SGIP1: variants seen among roughly 807,000 people sequenced by gnomAD.
SGIP1 encodes SH3GL interacting endocytic adaptor 1, also known as SH3-containing GRB2-like protein 3-interacting protein 1.
SGIP1 carries 38 observed loss-of-function variants against 107.5 expected under a neutral mutation model. That is an observed-to-expected ratio of 0.35 (90% CI 0.27 to 0.46). SGIP1 has a LOEUF of 0.46. SGIP1 is among the 20% of genes least tolerant of loss of function. The pLI, the probability that SGIP1 is intolerant of heterozygous loss-of-function variation, is 1.00. For missense variants in SGIP1, 929 were observed against 1,019.5 expected (o/e 0.91, Z 1.21); for synonymous variants, 365 against 366.1 (o/e 1.00, Z 0.03).
intron 8 of SGIP1, among the ~76,000 whole-genome samples, chr1:66,663,136 G>A (rs114582477): frequency 5.1e-4 from 77 of 151,990 alleles, no homozygotes; most frequent in Middle Eastern, 3.4e-3. Flanking sequence ...ACATTCTCAC[G>A]TGGCGCACAT....
intron 1 of SGIP1, among the ~76,000 whole-genome samples, chr1:66,548,959 C>A (rs1251820645): frequency 6.6e-6 from 1 of 152,188 alleles, no homozygotes; most frequent in Non-Finnish European, 1.5e-5. Context: ...TGTTCCTGGT[C>A]TAGTTTCCTT....
intron 15 of SGIP1, among the ~76,000 whole-genome samples, chr1:66,686,482 G>A (rs10889646): frequency 0.14 from 21,349 of 151,984 alleles, 1,594 homozygotes; most frequent in Admixed American, 0.19. Context: ...TTTCTAAGGG[G>A]GAAATGAAAA....
intron 1 of SGIP1, among the ~76,000 whole-genome samples, chr1:66,538,567 A>G (rs928628530): frequency 6.6e-6 from 1 of 152,210 alleles, no homozygotes; most frequent in South Asian, 2.1e-4. Context: ...TGTAGCACAT[A>G]CACTATCCAT....
intron 1 of SGIP1, among the ~76,000 whole-genome samples, chr1:66,591,020 T>C (rs910456450): frequency 6.6e-6 from 1 of 152,246 alleles, no homozygotes; most frequent in Non-Finnish European, 1.5e-5. Context: ...GTGATCAATG[T>C]AAATTTTTTA....
At chr1:66,715,983 C>T (rs142365751) in intron 18 of SGIP1, among the ~76,000 whole-genome samples, 251 of 152,196 alleles carry the variant, frequency 1.6e-3, no homozygotes, top group African/African-American at 5.3e-3. Context: ...GGTTCAAGCG[C>T]GGTGCTAAAT....
intron 4 of SGIP1, among the ~76,000 whole-genome samples, chr1:66,636,674 A>G (rs1482170405): frequency 6.6e-6 from 1 of 152,214 alleles, no homozygotes; most frequent in Non-Finnish European, 1.5e-5. Flanking sequence ...GTGCTGTTCT[A>G]TAGAATTATT....
chr1:66,705,988 G>GTA (rs1397358510), intron 18 of SGIP1, among the ~76,000 whole-genome samples: 1 of 151,950 alleles, frequency 6.6e-6, no homozygotes, highest in Non-Finnish European at 1.5e-5. Context: ...GTTTACCTAT[G>GTA]TAACAAACCT....
intron 7 of SGIP1, among the ~76,000 whole-genome samples, chr1:66,644,475 A>G (rs2077313371): frequency 1.3e-5 from 2 of 152,100 alleles, no homozygotes; most frequent in Admixed American, 1.3e-4. Context: ...GATAAATGCC[A>G]CCATTGTTTT....
chr1:66,742,562 T>C (rs2094489760), intron 24 of SGIP1, among the ~76,000 whole-genome samples: 3 of 142,298 alleles, frequency 2.1e-5, no homozygotes, highest in Admixed American at 1.4e-4. Context: ...CTCCGCCTCT[T>C]GGGTTCATGC....
chr1:66,651,780 G>A (rs1257054724), intron 7 of SGIP1, among the ~76,000 whole-genome samples: 4 of 152,096 alleles, frequency 2.6e-5, no homozygotes, highest in Non-Finnish European at 4.4e-5. Flanking sequence ...TGTGATATGT[G>A]ATTTCTCATT....
Position 66,740,701 on chromosome 1 carries a change from T to C in SGIP1, c.2278T>C (p.Ser760Pro). The C allele has an allele frequency of 6.2e-7, 1 of 1,606,732 alleles. No individual in the cohort carries two copies. Among genetic ancestry groups the C allele is most frequent in the South Asian group, 1.1e-5 (1 of 90,346 alleles). The stretch of plus-strand genomic sequence containing the variant: ...AATATTGTGGAAGATTCCTGATATC[T>C]CTCAGAAGTCAGAAAATGGAGGTAA... ...QRILWKIPDI[S>P]QKSENGGVGS... Residue 760 changes from serine to proline, a missense_variant, in exon 23 of 25, where the codon TCT becomes CCT. Transcript: ENST00000371037.
intron 8 of SGIP1, chr1:66,666,889 C>T (rs2149789898): frequency 6.6e-6 from 1 of 152,390 alleles, no homozygotes; most frequent in East Asian, 1.9e-4. Flanking sequence ...TCATTCCCGA[C>T]TACGTTTGTC....
intron 17 of SGIP1, among the ~76,000 whole-genome samples, chr1:66,692,837 C>T (rs561592801): frequency 6.6e-6 from 1 of 152,294 alleles, no homozygotes; most frequent in Non-Finnish European, 1.5e-5. Context: ...CCCTAAATGA[C>T]TTTGGATATG....
At chr1:66,688,473 A>G (rs557137096) in intron 15 of SGIP1, among the ~76,000 whole-genome samples, 1 of 152,238 alleles carries the variant, frequency 6.6e-6, no homozygotes, top group South Asian at 2.1e-4. Context: ...TCATGGGCAA[A>G]CTCTGCATTG....
Position 66,682,237 on chromosome 1 carries a change from G to A in SGIP1, c.1183G>A (p.Glu395Lys). The A allele has an allele frequency of 1.2e-6, 2 of 1,614,208 alleles. No individual in the cohort carries two copies. Among genetic ancestry groups the A allele is most frequent in the African/African-American group, 2.7e-5 (2 of 75,050 alleles). Residue 395 changes from glutamate to lysine, a missense_variant, in exon 15 of 25, where the codon GAA becomes AAA. Physicochemically the swap from Glu to Lys is moderately conservative, Grantham distance 56. This residue lies in a region of SGIP1 where 588 missense variants were observed against 588.6 expected (regional missense o/e 1.00). Coordinates refer to ENST00000371037, the MANE Select transcript of SGIP1 (RefSeq NM_032291.4). ...GACCTTCATTAAAGATGATTACTTA[G>A]AAACAATCTCATCTCCTAAAGATTT... ...EQTFIKDDYL[E>K]TISSPKDFGL...
At position 66,603,833 on chromosome 1, in the gene SGIP1, G is replaced by A. The variant is rs190976008; in HGVS notation, c.11-22014G>A. Among the ~76,000 whole-genome samples, 268 of 152,212 alleles carry A rather than the reference G, an allele frequency of 1.8e-3. 3 individuals carry two copies. Among genetic ancestry groups the A allele is most frequent in the African/African-American group, 6.2e-3 (258 of 41,548 alleles). On this transcript the variant is annotated intron_variant, in intron 1 of 24. Transcript: ENST00000371037. ...TCTTAATAACAAAAGTTGCTATGGA[G>A]TATTTTGTTTTCATTTTAAATAGCT...
intron 1 of SGIP1, among the ~76,000 whole-genome samples, chr1:66,584,240 A>G (rs2062224633): frequency 6.6e-6 from 1 of 152,146 alleles, no homozygotes; most frequent in Non-Finnish European, 1.5e-5. Context: ...AATAAAGTTT[A>G]AATTAAGCTG....
In SGIP1 at chr1:66,719,164, G is replaced by A. The variant is rs1255862852; in HGVS notation, c.1631-130G>A. On this transcript the variant is annotated intron_variant, in intron 18 of 24. Transcript: ENST00000371037. ...TCTATGTTGAATATACAGAGTTACG[G>A]TTCTTAGCACATTTTGTTTTACATT... 3 of 575,870 alleles carry A rather than the reference G, an allele frequency of 5.2e-6. No individual in the cohort carries two copies. In the Admixed American group the frequency reaches 9.1e-5, roughly 17 times the overall value. The allele number at this position is 575,870 out of a possible 1,614,324, so 35.7% of individuals were successfully genotyped here.
At chr1:66,634,098 C>A in intron 3 of SGIP1, 1 of 1,608,084 alleles carries the variant, frequency 6.2e-7, no homozygotes, top group Non-Finnish European at 8.5e-7. Flanking sequence ...AAAAAAGACC[C>A]AGAAGACTCA....
Sources: gnomAD v4.1 joint callset for allele counts (sites outside exome capture counted in the v4.1 genomes callset) on GRCh38, gnomAD v4.1.1 for gene constraint, gnomAD v4.1.1 regional missense constraint, MANE v1.5 for transcripts, NCBI Gene and HGNC (gene_info 2026-07-23, HGNC 2026-07-21) for gene names.